Variants in DLG2 observed in about 807,000 individuals in gnomAD.
The protein encoded by DLG2 is disks large homolog 2.
In DLG2, 45 loss-of-function variants were observed where a neutral mutation model predicts 132.5. That is an observed-to-expected ratio of 0.34 (90% CI 0.27 to 0.44). The LOEUF (loss-of-function observed/expected upper bound fraction) is 0.44. Among genes scored for constraint, DLG2 ranks in the 20% least tolerant of loss-of-function variants. The pLI is 1.00. For synonymous variants in DLG2, 424 were observed against 419.6 expected, an observed-to-expected ratio of 1.01 and a Z score of -0.13; for missense variants, 1,045 against 1,196.9, an observed-to-expected ratio of 0.87 and a Z score of 1.87.
chr11:85,018,833 TGTTTA>T (rs2059792291), intron 6 of DLG2, among the ~76,000 whole-genome samples: 1 of 152,066 alleles, frequency 6.6e-6, no homozygotes, highest in East Asian at 1.9e-4. Flanking sequence ...AATAAGGACT[TGTTTA>T]TTTTGAGGAA....
chr11:84,734,833 AG>A (rs1285068707), intron 6 of DLG2, among the ~76,000 whole-genome samples: 6 of 152,128 alleles, frequency 3.9e-5, no homozygotes, highest in African/African-American at 1.2e-4. Flanking sequence ...ATTGATTGAG[AG>A]TTTTTAGCAT....
chr11:85,399,467 C>T (rs959319291), intron 3 of DLG2, among the ~76,000 whole-genome samples: 1 of 152,080 alleles, frequency 6.6e-6, no homozygotes, highest in African/African-American at 2.4e-5. Context: ...GAGCCCGCAT[C>T]ACCAAGTCAA....
At chr11:83,567,138 G>A (rs757006512) in intron 19 of DLG2, among the ~76,000 whole-genome samples, 40 of 152,076 alleles carry the variant, frequency 2.6e-4, no homozygotes, top group Non-Finnish European at 4.6e-4. Context: ...CGGGTGACTC[G>A]TTGAAAGCCT....
At chr11:85,192,183 G>A (rs778835472) in intron 4 of DLG2, among the ~76,000 whole-genome samples, 2 of 152,136 alleles carry the variant, frequency 1.3e-5, no homozygotes, top group Non-Finnish European at 2.9e-5. Flanking sequence ...CCATGACCTT[G>A]AGCACATTTC....
chr11:85,440,659 T>G (rs1377419969), intron 3 of DLG2, among the ~76,000 whole-genome samples: 1 of 152,264 alleles, frequency 6.6e-6, no homozygotes, highest in Non-Finnish European at 1.5e-5. Context: ...ACAAAGTTGC[T>G]ATAGTGATGA....
intron 15 of DLG2, among the ~76,000 whole-genome samples, chr11:83,888,761 T>G (rs1395363994): frequency 6.6e-6 from 1 of 151,994 alleles, no homozygotes; most frequent in Non-Finnish European, 1.5e-5. Context: ...AACAGAGATA[T>G]AGATCAATGG....
chr11:84,147,952 GTTATTT>G (rs1184877352), intron 9 of DLG2, among the ~76,000 whole-genome samples: 4 of 151,868 alleles, frequency 2.6e-5, no homozygotes, highest in South Asian at 2.1e-4. Context: ...GCATTCATAT[GTTATTT>G]TTATTTTTAT....
At chr11:84,941,104 G>C (rs1591597223) in intron 6 of DLG2, among the ~76,000 whole-genome samples, 1 of 152,280 alleles carries the variant, frequency 6.6e-6, no homozygotes, top group East Asian at 1.9e-4. Flanking sequence ...TTCTATGCCA[G>C]TAATATGCTG....
intron 6 of DLG2, among the ~76,000 whole-genome samples, chr11:84,828,344 A>G (rs1290723867): frequency 2.0e-5 from 3 of 151,872 alleles, no homozygotes; most frequent in Non-Finnish European, 4.4e-5. Flanking sequence ...ATGAATAAGG[A>G]TGGAGGAAGA....
chr11:84,990,071 C>T (rs544695030), intron 6 of DLG2, among the ~76,000 whole-genome samples: 18 of 152,268 alleles, frequency 1.2e-4, no homozygotes, highest in African/African-American at 4.3e-4. Context: ...AAGATGAAAG[C>T]TACAGGACAA....
intron 7 of DLG2, among the ~76,000 whole-genome samples, chr11:84,344,124 A>G (rs1035492835): frequency 6.6e-6 from 1 of 152,172 alleles, no homozygotes; most frequent in South Asian, 2.1e-4. Flanking sequence ...GACAACATCA[A>G]TATCAGTTTG....
intron 7 of DLG2, among the ~76,000 whole-genome samples, chr11:84,378,174 G>A (rs773186544): frequency 1.1e-4 from 17 of 152,164 alleles, no homozygotes; most frequent in Admixed American, 4.6e-4. Flanking sequence ...GAGGTCATAA[G>A]GGTAGGGCTG....
chr11:84,927,679 T>C (rs1028685169), intron 6 of DLG2, among the ~76,000 whole-genome samples: 1 of 152,042 alleles, frequency 6.6e-6, no homozygotes, highest in Non-Finnish European at 1.5e-5. Flanking sequence ...TTATTATTGA[T>C]AAACATTAAA....
At chr11:83,865,457 G>GA (rs58307015) in intron 16 of DLG2, among the ~76,000 whole-genome samples, 35,219 of 129,288 alleles carry the variant, frequency 0.27, 4,322 homozygotes, top group Middle Eastern at 0.41. Context: ...GGTGAACAGC[G>GA]AAAAAAAAAA....
At chr11:84,862,824 G>GAATAGCATTA (rs1339173785) in intron 6 of DLG2, among the ~76,000 whole-genome samples, 6 of 127,588 alleles carry the variant, frequency 4.7e-5, no homozygotes, top group Non-Finnish European at 1.0e-4. Flanking sequence ...TGTCGGGGGG[G>GAATAGCATTA]GGGGGTGGGG....
intron 6 of DLG2, among the ~76,000 whole-genome samples, chr11:84,757,964 C>T (rs532338611): frequency 6.6e-6 from 1 of 152,154 alleles, no homozygotes; most frequent in Non-Finnish European, 1.5e-5. Flanking sequence ...CAGAAGTCAA[C>T]TAAAATCATA....
chr11:83,790,287 T>C (rs894242285), intron 17 of DLG2: 45 of 926,622 alleles, frequency 4.9e-5, no homozygotes, highest in Non-Finnish European at 6.3e-5. Context: ...CCAAGTCTAG[T>C]GTGAACTGTT....
At chr11:85,050,816 A>G (rs915496131) in intron 6 of DLG2, among the ~76,000 whole-genome samples, 1 of 152,166 alleles carries the variant, frequency 6.6e-6, no homozygotes. Context: ...CTCAATGTAT[A>G]AAACCTACTC....
At chr11:85,427,312 G>T (rs2090835339) in intron 3 of DLG2, among the ~76,000 whole-genome samples, 1 of 152,074 alleles carries the variant, frequency 6.6e-6, no homozygotes, top group African/African-American at 2.4e-5. Context: ...GCAACTCCAA[G>T]ACACATAATT....
Sources: allele counts gnomAD v4.1 joint callset (sites outside exome capture counted in the v4.1 genomes callset), GRCh38; gene constraint gnomAD v4.1.1; transcripts MANE v1.5; gene names NCBI Gene and HGNC (gene_info 2026-07-23, HGNC 2026-07-21).